Variants in HLTF observed in about 807,000 individuals in gnomAD.
HLTF encodes helicase like transcription factor, also known as DNA-dependent ATPase/E3 ubiquitin-protein ligase HLTF.
In HLTF, 127 loss-of-function variants were observed where a neutral mutation model predicts 129.4. The observed-to-expected ratio is 0.98, with a 90% CI of 0.85 to 1.14. The LOEUF is 1.14. Among genes scored for constraint, HLTF ranks in the 50% most tolerant of loss-of-function variants. HLTF has a pLI of 0.00. For synonymous variants in HLTF, 332 were observed against 388.8 expected (o/e 0.85, Z 1.72); for missense variants, 1,139 against 1,187.1 (o/e 0.96, Z 0.60).
intron 8 of HLTF, among the ~76,000 whole-genome samples, 188 bp from the exon 9 acceptor site, chr3:149,065,054 C>G (rs1576608005): frequency 6.6e-6 from 1 of 150,856 alleles, no homozygotes; most frequent in South Asian, 2.1e-4. Flanking sequence ...AAAATTTTTT[C>G]ACGGGTTATC....
intron 2 of HLTF, among the ~76,000 whole-genome samples, chr3:149,080,119 G>A (rs902094726): frequency 1.3e-5 from 2 of 151,992 alleles, no homozygotes; most frequent in Non-Finnish European, 2.9e-5. Flanking sequence ...TTTCATTTAC[G>A]TGAAATGTCA....
intron 10 of HLTF, among the ~76,000 whole-genome samples, chr3:149,061,837 A>C (rs1483301143): frequency 1.5e-4 from 21 of 137,878 alleles, no homozygotes; most frequent in African/African-American, 6.1e-4. Context: ...ACTCTGTCTC[A>C]AAAAAAAAAA....
intron 4 of HLTF, among the ~76,000 whole-genome samples, chr3:149,073,745 A>G (rs1719077210): frequency 6.6e-6 from 1 of 152,230 alleles, no homozygotes; most frequent in Non-Finnish European, 1.5e-5. Flanking sequence ...AAACTGCATT[A>G]AAAGCCTTGT....
intron 3 of HLTF, among the ~76,000 whole-genome samples, chr3:149,074,667 GGAACCACTGAGGGTA>G (rs1475335692): frequency 2.0e-5 from 3 of 152,056 alleles, no homozygotes; most frequent in Non-Finnish European, 4.4e-5. Context: ...TTTGGCTAAC[GGAACCACTGAGGGTA>G]GTAACTCATT....
At chr3:149,067,248 G>A (rs1718464791) in intron 8 of HLTF, among the ~76,000 whole-genome samples, 1 of 151,168 alleles carries the variant, frequency 6.6e-6, no homozygotes, top group Non-Finnish European at 1.5e-5. Context: ...TCATCACTAG[G>A]ACATAAGTTA....
intron 14 of HLTF, among the ~76,000 whole-genome samples, chr3:149,052,584 T>C (rs1717087014): frequency 6.6e-6 from 1 of 152,146 alleles, no homozygotes. Flanking sequence ...AGTCTGAAGA[T>C]CTCTGCAAAG....
At chr3:149,080,062 T>A (rs368279070) in intron 2 of HLTF, among the ~76,000 whole-genome samples, 19 of 151,916 alleles carry the variant, frequency 1.3e-4, no homozygotes, top group African/African-American at 4.6e-4. Context: ...CTATTTAACA[T>A]AAAAATGAGT....
intron 23 of HLTF, among the ~76,000 whole-genome samples, chr3:149,036,849 A>C (rs959272164): frequency 1.3e-5 from 2 of 152,204 alleles, no homozygotes; most frequent in East Asian, 3.9e-4. Flanking sequence ...TTTAAGTTAG[A>C]AACAACATTG....
intron 2 of HLTF, among the ~76,000 whole-genome samples, chr3:149,077,496 C>G (rs563163375): frequency 1.1e-3 from 172 of 151,854 alleles, no homozygotes; most frequent in African/African-American, 4.0e-3. Context: ...GGATGTTTGT[C>G]AAAACAATTT....
intron 13 of HLTF, among the ~76,000 whole-genome samples, chr3:149,056,771 G>A (rs1463885861): frequency 1.3e-5 from 2 of 152,206 alleles, no homozygotes; most frequent in Non-Finnish European, 2.9e-5. Flanking sequence ...TTTGAACTAT[G>A]TGATGCACTT....
intron 3 of HLTF, among the ~76,000 whole-genome samples, chr3:149,075,186 C>T (rs1360725224): frequency 6.6e-6 from 1 of 152,150 alleles, no homozygotes; most frequent in Non-Finnish European, 1.5e-5. Flanking sequence ...ATGTCTAAAA[C>T]ACTGCAGGGC....
Position 149,039,696 on chromosome 3 carries a change from G to C in HLTF, c.2503-3C>G. 1.4e-6 allele frequency: 2 copies of C among 1,460,406 alleles called. No homozygotes were observed. Among genetic ancestry groups the C allele is most frequent in the Non-Finnish European group, 1.9e-6 (2 of 1,067,546 alleles). The allele number at this position is 1,460,406 out of a possible 1,614,324, so 90.5% of individuals were successfully genotyped here. On this transcript the variant is annotated splice_polypyrimidine_tract_variant and splice_region_variant and intron_variant, in intron 21 of 24. Transcript: ENST00000310053. ...AATGCGTGCATTAGCGCATTAATCT[G>C]CAAAAAATATTAAGATGTCCATTAG...
chr3:149,060,303 A>G (rs9822226), intron 12 of HLTF, among the ~76,000 whole-genome samples: 45,030 of 152,134 alleles, frequency 0.3, 7,448 homozygotes, highest in Middle Eastern at 0.45. Context: ...AAACAATAAT[A>G]GTATTGCCAG....
At position 149,055,389 on chromosome 3, in the gene HLTF, C is replaced by CT; in HGVS notation, c.1386dup (p.Val463SerfsTer8). 1 of 1,612,120 alleles carries CT rather than the reference C, an allele frequency of 6.2e-7. No individual in the cohort carries two copies. Among genetic ancestry groups the CT allele is most frequent in the South Asian group, 1.1e-5 (1 of 91,022 alleles). ...ACATCAGTTTTCTTTGACCCCTCCA[C>CT]TGCACAAGCTCCTAAAAAAATGAAC... On this transcript the variant is annotated frameshift_variant, in exon 14 of 25. Transcript: ENST00000310053. LOFTEE classifies it high-confidence loss of function.
chr3:149,071,174 C>G, intron 7 of HLTF, 78 bp downstream of exon 7: 4 of 912,630 alleles, frequency 4.4e-6, no homozygotes, highest in Non-Finnish European at 6.6e-6. Flanking sequence ...ATTCCTATCT[C>G]TTTTTACTTC....
intron 3 of HLTF, among the ~76,000 whole-genome samples, 175 bp downstream of exon 3, chr3:149,075,706 G>C (rs1719286398): frequency 6.6e-6 from 1 of 151,880 alleles, no homozygotes; most frequent in Non-Finnish European, 1.5e-5. Context: ...ATTGTTTGAT[G>C]GCTGGGGTAG....
chr3:149,078,763 A>G lies in HLTF; in HGVS notation c.229-2716T>C, dbSNP rs138020135. On this transcript the variant is annotated intron_variant, in intron 2 of 24. Transcript: ENST00000310053. ...TCCCAGTTACTCGGGAAGCTGACACAGGAGAATGATGTGAACCTGGGAGGC... is the reference window on the plus strand; with the variant it reads ...TCCCAGTTACTCGGGAAGCTGACACGGGAGAATGATGTGAACCTGGGAGGC... 6.3e-3 allele frequency among the ~76,000 whole-genome samples: 953 copies of G among 151,440 alleles called. 10 individuals carry two copies. The highest frequency in any genetic ancestry group is 0.022 in the African/African-American group (919 of 41,238).
In HLTF at chr3:149,065,066, CA is replaced by C. The variant is rs367993357; in HGVS notation, c.991-201del. Among the ~76,000 whole-genome samples the C allele has an allele frequency of 4.1e-3, 568 of 137,564 alleles. 1 individual carries two copies. The highest frequency in any genetic ancestry group is 9.2e-3 in the South Asian group (40 of 4,362). 90.2% of individuals were successfully genotyped at this position (137,564 alleles called of 152,430 possible). A position where few individuals can be genotyped will look rare whatever the true frequency, so the allele number is the denominator to read the frequency against. On this transcript the variant is annotated intron_variant, in intron 8 of 24. Coordinates refer to ENST00000310053, the MANE Select transcript of HLTF (RefSeq NM_003071.4). ...TTTAAAATTTTTTCACGGGTTATCT[CA>C]AAAAAAAAAAAATAAATAAAACTAC...
rs1460788931 is a variant in HLTF, at chr3:149,046,150, T to A, written c.2002A>T (p.Ile668Phe). The change falls in exon 18 of 25, where the codon ATT (isoleucine) becomes TTT (phenylalanine). Residue 668 changes from isoleucine to phenylalanine, a missense_variant. Ile to Phe is a conservative substitution (Grantham distance 21). Transcript: ENST00000310053. ...TTTCTCTCTTCATCTGAAAGTGTAA[T>A]GTGCTGAATAAATACTTTACGTTCT... Reference protein sequence around the residue: ...LPERKVFIQHITLSDEERKIY... With the variant: ...LPERKVFIQHFTLSDEERKIY... The A allele has an allele frequency of 1.2e-6, 2 of 1,610,652 alleles. No homozygotes were observed. Among genetic ancestry groups the A allele is most frequent in the Admixed American group, 1.7e-5 (1 of 59,694 alleles).
Sources: gnomAD v4.1 joint callset for allele counts (sites outside exome capture counted in the v4.1 genomes callset) on GRCh38, gnomAD v4.1.1 for gene constraint, MANE v1.5 for transcripts, NCBI Gene and HGNC (gene_info 2026-07-23, HGNC 2026-07-21) for gene names.